The following CTIF variants were observed in gnomAD, a reference collection of about 807,000 sequenced individuals.
CTIF encodes cap binding complex dependent translation initiation factor, also known as CBP80/20-dependent translation initiation factor.
Under a neutral mutation model 66.0 loss-of-function variants are expected in CTIF, and 21 were observed. That is an observed-to-expected ratio of 0.32 (90% CI 0.23 to 0.46). CTIF has a LOEUF of 0.46. CTIF is among the 20% of genes least tolerant of loss of function. The probability of loss-of-function intolerance (pLI) is 1.00; values close to 1 mark genes in which losing one functional copy is unlikely to be tolerated. For missense variants in CTIF, 739 were observed against 812.7 expected (o/e 0.91, Z 1.10); for synonymous variants, 345 against 326.4 (o/e 1.06, Z -0.62).
chr18:48,730,743 G>C (rs1373515954), intron 7 of CTIF, among the ~76,000 whole-genome samples: 1 of 148,086 alleles, frequency 6.8e-6, no homozygotes, highest in South Asian at 2.2e-4. Flanking sequence ...GGTGTGAGGA[G>C]CCCCCGCAGC....
chr18:48,544,572 G>A (rs1176315041), intron 1 of CTIF, among the ~76,000 whole-genome samples: 1 of 152,230 alleles, frequency 6.6e-6, no homozygotes, highest in African/African-American at 2.4e-5. Context: ...CAAGGGGTAG[G>A]GGAGATAAAG....
At chr18:48,579,955 A>G (rs566027854) in intron 1 of CTIF, among the ~76,000 whole-genome samples, 1 of 152,250 alleles carries the variant, frequency 6.6e-6, no homozygotes, top group African/African-American at 2.4e-5. Context: ...AGATAATTAA[A>G]TGAAGGAACT....
intron 1 of CTIF, among the ~76,000 whole-genome samples, chr18:48,563,720 C>T (rs2089215319): frequency 6.6e-6 from 1 of 152,238 alleles, no homozygotes; most frequent in Admixed American, 6.5e-5. Flanking sequence ...GATCTGCCTG[C>T]CTCAGCCTTC....
At position 48,616,323 on chromosome 18, in the gene CTIF, G is replaced by A. The variant is rs145343614; in HGVS notation, c.-28-3215G>A. 1.4e-4 allele frequency among the ~76,000 whole-genome samples: 21 copies of A among 152,314 alleles called. No individual in the cohort carries two copies. The East Asian group carries it at 3.3e-3, about 24-fold the overall frequency. On this transcript the variant is annotated intron_variant, in intron 1 of 11. Coordinates refer to ENST00000256413, the MANE Select transcript of CTIF (RefSeq NM_014772.3). ...CCCATCCAGCGGAGGCCAGCTTCCC[G>A]GGGCCAGGCACGGAGCCTGCTTGGG...
chr18:48,670,026 C>T (rs922362984), intron 5 of CTIF, among the ~76,000 whole-genome samples: 1 of 151,380 alleles, frequency 6.6e-6, no homozygotes, highest in African/African-American at 2.4e-5. Context: ...AGAGGTTAAA[C>T]AACTTGTACA....
intron 1 of CTIF, among the ~76,000 whole-genome samples, chr18:48,605,927 T>G (rs1247213096): frequency 6.6e-6 from 1 of 152,274 alleles, no homozygotes; most frequent in African/African-American, 2.4e-5. Flanking sequence ...TCTGGCTGCC[T>G]GTTTTCCCAA....
intron 1 of CTIF, among the ~76,000 whole-genome samples, chr18:48,610,201 A>T (rs2090280665): frequency 6.6e-6 from 1 of 152,204 alleles, no homozygotes; most frequent in Non-Finnish European, 1.5e-5. Flanking sequence ...GCAGGGCAAG[A>T]GTTGGGTAGC....
At chr18:48,607,173 G>T (rs997317049) in intron 1 of CTIF, among the ~76,000 whole-genome samples, 1 of 152,230 alleles carries the variant, frequency 6.6e-6, no homozygotes. Context: ...AGGCAGCTGT[G>T]CTGTGTTGTC....
chr18:48,794,844 A>G lies in CTIF; in HGVS notation c.1372-22377A>G, dbSNP rs138391599. On this transcript the variant is annotated intron_variant, in intron 9 of 11. Transcript: ENST00000256413. ...CCTTTGTGTGTATTGCATTCGAGTC[A>G]GCACCTGGCAGAGAGGAGGCCCACA... is the stretch of plus-strand genomic sequence containing the variant. Among the ~76,000 whole-genome samples the G allele has an allele frequency of 5.9e-4, 90 of 152,266 alleles. 1 individual carries two copies. The East Asian group carries it at 0.016, about 28-fold the overall frequency.
In CTIF at chr18:48,575,595, C is replaced by CTATGCA. The variant is rs1474018590; in HGVS notation, c.-29+36284_-29+36289dup. 2.0e-5 allele frequency among the ~76,000 whole-genome samples: 3 copies of CTATGCA among 152,340 alleles called. No homozygotes were observed. In the East Asian group the frequency reaches 5.8e-4, roughly 29 times the overall value. The stretch of plus-strand genomic sequence containing the variant: ...AACCCCCAGCACAGGCTTTATTTAT[C>CTATGCA]TATGCACCCCCATTGAGAGGCTCCC... On this transcript the variant is annotated intron_variant, in intron 1 of 11. Coordinates refer to ENST00000256413, the MANE Select transcript of CTIF (RefSeq NM_014772.3).
At chr18:48,615,036 G>A (rs2090373093) in intron 1 of CTIF, among the ~76,000 whole-genome samples, 1 of 152,152 alleles carries the variant, frequency 6.6e-6, no homozygotes, top group Non-Finnish European at 1.5e-5. Context: ...GAGTAGCTGA[G>A]CATGTGCGAC....
chr18:48,580,475 G>A (rs896892321), intron 1 of CTIF, among the ~76,000 whole-genome samples: 2 of 152,132 alleles, frequency 1.3e-5, no homozygotes, highest in Non-Finnish European at 2.9e-5. Context: ...CCAACCACCC[G>A]CCTTCAGTGG....
At chr18:48,739,935 G>T (rs1382617330) in intron 7 of CTIF, among the ~76,000 whole-genome samples, 6 of 152,138 alleles carry the variant, frequency 3.9e-5, no homozygotes, top group African/African-American at 1.2e-4. Flanking sequence ...TGTGCTGTGG[G>T]GTCTACCAGG....
chr18:48,697,140 A>G (rs1176774914), intron 6 of CTIF, among the ~76,000 whole-genome samples: 2 of 152,228 alleles, frequency 1.3e-5, no homozygotes, highest in Non-Finnish European at 2.9e-5. Flanking sequence ...GGATCCAGTA[A>G]GAATGGCCCA....
rs188781681 is a variant in CTIF, at chr18:48,631,311, A to C, written c.181-5303A>C. Among the ~76,000 whole-genome samples, 132 of 152,256 alleles carry C rather than the reference A, an allele frequency of 8.7e-4. 3 individuals carry two copies. Among genetic ancestry groups the C allele is most frequent in the African/African-American group, 3.1e-3 (128 of 41,558 alleles). On this transcript the variant is annotated intron_variant, in intron 2 of 11. Coordinates refer to ENST00000256413, the MANE Select transcript of CTIF (RefSeq NM_014772.3). The stretch of plus-strand genomic sequence containing the variant: ...AAACCCTGTCTCTACTAAAAATACA[A>C]AAAAATTAACCGGGTGTGGTGGAGA...
chr18:48,676,101 A>AAGT (rs2091624625), intron 6 of CTIF, among the ~76,000 whole-genome samples: 8 of 151,930 alleles, frequency 5.3e-5, no homozygotes, highest in South Asian at 2.1e-4. Context: ...AGTCGGCGCG[A>AAGT]CCAGTGTGAG....
intron 7 of CTIF, among the ~76,000 whole-genome samples, chr18:48,746,692 A>G (rs902318116): frequency 2.6e-5 from 4 of 151,666 alleles, no homozygotes; most frequent in Admixed American, 6.6e-5. Flanking sequence ...CTCTTCATCC[A>G]GAAACAGAGA....
chr18:48,700,701 A>G (rs1245360807), intron 6 of CTIF, among the ~76,000 whole-genome samples: 1 of 152,146 alleles, frequency 6.6e-6, no homozygotes, highest in Admixed American at 6.5e-5. Context: ...GCCTCTGTTC[A>G]CTTCGAAGGG....
chr18:48,769,586 G>A (rs1026773996), intron 9 of CTIF, among the ~76,000 whole-genome samples: 13 of 152,252 alleles, frequency 8.5e-5, no homozygotes, highest in African/African-American at 1.4e-4. Context: ...CAGGAGGCCA[G>A]CAGTCACAGG....
Sources: gnomAD v4.1 joint callset for allele counts (sites outside exome capture counted in the v4.1 genomes callset) on GRCh38, gnomAD v4.1.1 for gene constraint, MANE v1.5 for transcripts, NCBI Gene and HGNC (gene_info 2026-07-23, HGNC 2026-07-21) for gene names.